Variants in PTPRN2 observed in about 807,000 individuals in gnomAD.
PTPRN2 encodes receptor-type tyrosine-protein phosphatase N2.
PTPRN2 carries 74 observed loss-of-function variants against 118.8 expected under a neutral mutation model. The ratio of observed to expected loss-of-function variants is 0.62; its 90% CI spans 0.52 to 0.76. The LOEUF is 0.76. PTPRN2 is among the 30% of genes least tolerant of loss of function. The pLI is 0.00. For missense variants in PTPRN2, 1,481 were observed against 1,394.4 expected, an observed-to-expected ratio of 1.06 and a Z score of -0.99; for synonymous variants, 641 against 608.0, an observed-to-expected ratio of 1.05 and a Z score of -0.80.
chr7:158,281,065 A>C (rs894962371), intron 3 of PTPRN2, among the ~76,000 whole-genome samples: 32 of 152,334 alleles, frequency 2.1e-4, no homozygotes, highest in African/African-American at 7.5e-4. Context: ...CCACTTTGGG[A>C]GGCCGAGTCG....
At chr7:158,313,585 C>G (rs571737040) in intron 3 of PTPRN2, among the ~76,000 whole-genome samples, 3 of 152,058 alleles carry the variant, frequency 2.0e-5, no homozygotes, top group African/African-American at 7.2e-5. Context: ...TACGACCCCC[C>G]ATCTCCACAT....
chr7:158,440,155 C>A (rs1816882142), intron 2 of PTPRN2, among the ~76,000 whole-genome samples: 1 of 152,206 alleles, frequency 6.6e-6, no homozygotes, highest in African/African-American at 2.4e-5. Flanking sequence ...GGCCACAGCC[C>A]ATAAAGGTAG....
chr7:157,787,187 C>T lies in PTPRN2; in HGVS notation c.1789-104250G>A, dbSNP rs1194528314. Among the ~76,000 whole-genome samples, 2 of 150,722 alleles carry T rather than the reference C, an allele frequency of 1.3e-5. No individual in the cohort carries two copies. Among genetic ancestry groups the T allele is most frequent in the Non-Finnish European group, 3.0e-5 (2 of 67,184 alleles). On this transcript the variant is annotated intron_variant, in intron 12 of 22. Transcript: ENST00000389418. This position sits in a 1 kb window ranked among gnomAD's most constrained non-coding sequence, Gnocchi z 5.3. The stretch of plus-strand genomic sequence containing the variant: ...CGGCGGGGGACGCGGGGGTGGCTGC[C>T]CGGGACTGGCTCTTCTGGAAGCAAT...
At chr7:158,141,011 C>G (rs1440920808) in intron 6 of PTPRN2, among the ~76,000 whole-genome samples, 1 of 152,140 alleles carries the variant, frequency 6.6e-6, no homozygotes, top group East Asian at 1.9e-4. Context: ...ACAGAATGTC[C>G]TGACCTCAGT....
chr7:158,399,642 C>G (rs1812783124), intron 2 of PTPRN2, among the ~76,000 whole-genome samples: 1 of 151,536 alleles, frequency 6.6e-6, no homozygotes, highest in Non-Finnish European at 1.5e-5. Context: ...GGTGATAAAG[C>G]AAGATCCTGT....
chr7:157,989,647 A>C (rs1414168884), intron 11 of PTPRN2, among the ~76,000 whole-genome samples: 2 of 148,864 alleles, frequency 1.3e-5, no homozygotes, highest in Non-Finnish European at 3.0e-5. Flanking sequence ...CTGCTTAGCC[A>C]TGATTCTGCT....
At chr7:158,541,342 T>C in intron 1 of PTPRN2, 1 of 1,034,100 alleles carries the variant, frequency 9.7e-7, no homozygotes, top group East Asian at 4.9e-5. Flanking sequence ...TTTTGACCTG[T>C]CCTGAGCCCT....
In PTPRN2 at chr7:157,670,754, G is replaced by A. The variant is rs563384448; in HGVS notation, c.2001+11971C>T. Among the ~76,000 whole-genome samples, 27 of 152,294 alleles carry A rather than the reference G, an allele frequency of 1.8e-4. 1 individual carries two copies. The South Asian group carries it at 5.2e-3, about 29-fold the overall frequency. On this transcript the variant is annotated intron_variant, in intron 13 of 22. Transcript: ENST00000389418. ...CCTTCAAAGTTCACAGATCCAACAC[G>A]ACCTCTGTGAGCAAAGCCAGCCTTG...
At chr7:158,374,940 A>C (rs1312305360) in intron 2 of PTPRN2, among the ~76,000 whole-genome samples, 2 of 152,244 alleles carry the variant, frequency 1.3e-5, no homozygotes, top group Non-Finnish European at 2.9e-5. Context: ...GTAACATTTA[A>C]CTGGGAAAAT....
Position 157,615,603 on chromosome 7 carries a change from G to C in PTPRN2, c.2344+5759C>G, listed in dbSNP as rs896411935. ...AAGTCCCGCGGTGGATCCGCGTCAC[G>C]GGGGAGGATTGGCTCAGCACTGGTC... On this transcript the variant is annotated intron_variant, in intron 15 of 22. Transcript: ENST00000389418. This position sits in a 1 kb window ranked among gnomAD's most constrained non-coding sequence, Gnocchi z 4.3. The C allele has an allele frequency of 2.1e-6, 1 of 471,112 alleles. No individual in the cohort carries two copies. The highest frequency in any genetic ancestry group is 2.0e-5 in the African/African-American group (1 of 50,090). The allele number at this position is 471,112 out of a possible 1,614,324, so 29.2% of individuals were successfully genotyped here. A position where few individuals can be genotyped will look rare whatever the true frequency, so the allele number is the denominator to read the frequency against.
chr7:158,392,275 G>A (rs554623234), intron 2 of PTPRN2, among the ~76,000 whole-genome samples: 18 of 152,326 alleles, frequency 1.2e-4, no homozygotes, highest in African/African-American at 4.3e-4. Flanking sequence ...CCCCAGCACT[G>A]GACACAGGGT....
intron 12 of PTPRN2, among the ~76,000 whole-genome samples, chr7:157,835,316 C>T (rs1807856974): frequency 6.6e-6 from 1 of 152,072 alleles, no homozygotes; most frequent in African/African-American, 2.4e-5. Context: ...GAACCGTTAC[C>T]AAGTTATGAA....
At chr7:157,549,939 C>T (rs1027049244) in intron 21 of PTPRN2, among the ~76,000 whole-genome samples, 1 of 152,162 alleles carries the variant, frequency 6.6e-6, no homozygotes, top group Non-Finnish European at 1.5e-5. Context: ...TGTGGTCACC[C>T]GAGTCGCAGA....
intron 11 of PTPRN2, among the ~76,000 whole-genome samples, chr7:157,932,165 CT>C (rs1379027948): frequency 2.0e-5 from 3 of 152,194 alleles, no homozygotes; most frequent in Admixed American, 6.5e-5. Flanking sequence ...GTTCTAAATA[CT>C]TCAGTGCTTA....
In PTPRN2 at chr7:157,949,718, C is replaced by T. The variant is rs543681652; in HGVS notation, c.1724-50981G>A. On this transcript the variant is annotated intron_variant, in intron 11 of 22. Coordinates refer to ENST00000389418, the MANE Select transcript of PTPRN2 (RefSeq NM_002847.5). The stretch of plus-strand genomic sequence containing the variant: ...TGTTTACTATCTAGACGGGACTCTC[C>T]TACTTGATAAAAGTCTCCTGCTCTA... Among the ~76,000 whole-genome samples, 132 of 152,370 alleles carry T rather than the reference C, an allele frequency of 8.7e-4. No individual in the cohort carries two copies. The South Asian group carries it at 0.012, about 14-fold the overall frequency.
At chr7:157,755,479 G>T (rs1244620582) in intron 12 of PTPRN2, among the ~76,000 whole-genome samples, 1 of 152,186 alleles carries the variant, frequency 6.6e-6, no homozygotes, top group Non-Finnish European at 1.5e-5. Flanking sequence ...GGTTTGAGAA[G>T]TTGAGTCATC....
intron 2 of PTPRN2, among the ~76,000 whole-genome samples, chr7:158,477,321 C>A (rs1820347150): frequency 6.6e-6 from 1 of 152,174 alleles, no homozygotes; most frequent in Non-Finnish European, 1.5e-5. Flanking sequence ...TCATGCAGTC[C>A]TGTCTGACAT....
At chr7:157,820,754 G>A (rs1477749044) in intron 12 of PTPRN2, among the ~76,000 whole-genome samples, 1 of 152,182 alleles carries the variant, frequency 6.6e-6, no homozygotes, top group South Asian at 2.1e-4. Flanking sequence ...TTCTTCTTTT[G>A]CATCTGAGGT....
chr7:157,566,706 A>T (rs921654536), intron 21 of PTPRN2, among the ~76,000 whole-genome samples: 2 of 152,250 alleles, frequency 1.3e-5, no homozygotes, highest in African/African-American at 4.8e-5. Flanking sequence ...GCCACAATGG[A>T]GCCAGTGAAC....
Sources: gnomAD v4.1 joint callset for allele counts (sites outside exome capture counted in the v4.1 genomes callset) on GRCh38, gnomAD v4.1.1 for gene constraint, Gnocchi (gnomAD v3.1) non-coding constraint, MANE v1.5 for transcripts, NCBI Gene and HGNC (gene_info 2026-07-23, HGNC 2026-07-21) for gene names.